The following EPB41L4B variants were observed in gnomAD, a reference collection of about 807,000 sequenced individuals.
EPB41L4B encodes the protein band 4.1-like protein 4B.
In EPB41L4B, 30 loss-of-function variants were observed where a neutral mutation model predicts 112.5. The observed-to-expected ratio is 0.27, with a 90% confidence interval of 0.20 to 0.36. The LOEUF is 0.36. Among genes scored for constraint, EPB41L4B ranks in the 10% least tolerant of loss-of-function variants. The pLI is 1.00. For missense variants in EPB41L4B, 1,024 were observed against 1,133.3 expected, an observed-to-expected ratio of 0.90 and a Z score of 1.38; for synonymous variants, 408 against 439.7, an observed-to-expected ratio of 0.93 and a Z score of 0.90.
chr9:109,297,210 G>GGGGGGGGGA (rs1836766168), intron 1 of EPB41L4B, among the ~76,000 whole-genome samples: 1 of 140,204 alleles, frequency 7.1e-6, no homozygotes, highest in African/African-American at 2.6e-5. Flanking sequence ...GGTGGGGGGG[G>GGGGGGGGGA]ATCTGCCAGC....
chr9:109,310,146 G>A (rs1489510145), intron 1 of EPB41L4B, among the ~76,000 whole-genome samples: 1 of 152,006 alleles, frequency 6.6e-6, no homozygotes, highest in African/African-American at 2.4e-5. Context: ...TCCAGTATAT[G>A]CATGCAATGG....
chr9:109,283,616 A>G (rs144669354), intron 1 of EPB41L4B, among the ~76,000 whole-genome samples: 22 of 152,356 alleles, frequency 1.4e-4, no homozygotes, highest in African/African-American at 4.6e-4. Flanking sequence ...TTTAATGACA[A>G]TGTTAGGTAA....
At chr9:109,190,242 G>C (rs998636063) in intron 22 of EPB41L4B, among the ~76,000 whole-genome samples, 6 of 152,172 alleles carry the variant, frequency 3.9e-5, no homozygotes, top group African/African-American at 1.4e-4. Flanking sequence ...GGAGGCAGGG[G>C]GCTAGAGATA....
rs111229008 is a variant in EPB41L4B, at chr9:109,273,819, G to C, written c.412-5386C>G. On this transcript the variant is annotated intron_variant, in intron 2 of 25. Transcript: ENST00000374566. Reference sequence around the variant, plus strand: ...GTCTGTTTCCAGCAGTTGTAACATAGATCCCCATAGATCCCACTCTTAGCA... The same window carrying C: ...GTCTGTTTCCAGCAGTTGTAACATACATCCCCATAGATCCCACTCTTAGCA... 6.5e-3 allele frequency among the ~76,000 whole-genome samples: 992 copies of C among 152,278 alleles called. 9 individuals are homozygous for C. Among genetic ancestry groups the C allele is most frequent in the African/African-American group, 0.023 (942 of 41,562 alleles).
At chr9:109,302,305 T>C (rs748748150) in intron 1 of EPB41L4B, among the ~76,000 whole-genome samples, 7 of 152,334 alleles carry the variant, frequency 4.6e-5, no homozygotes, top group Non-Finnish European at 1.0e-4. Flanking sequence ...GGCTGGTAGA[T>C]GGTCGTCTTC....
chr9:109,212,726 A>T (rs1201189386), intron 17 of EPB41L4B, among the ~76,000 whole-genome samples: 1 of 152,312 alleles, frequency 6.6e-6, no homozygotes, highest in East Asian at 1.9e-4. Context: ...TCCTTAGGGG[A>T]TTTAAAAAAT....
At chr9:109,307,936 T>A (rs890316888) in intron 1 of EPB41L4B, among the ~76,000 whole-genome samples, 1 of 152,100 alleles carries the variant, frequency 6.6e-6, no homozygotes, top group Non-Finnish European at 1.5e-5. Context: ...TACTGCTCAT[T>A]TGCCACGGTG....
intron 2 of EPB41L4B, among the ~76,000 whole-genome samples, 197 bp from the exon 3 acceptor site, chr9:109,268,630 G>C (rs1442413607): frequency 6.6e-6 from 1 of 152,126 alleles, no homozygotes; most frequent in Non-Finnish European, 1.5e-5. Flanking sequence ...CGGGCGCGGT[G>C]GCTCACGCCT....
intron 15 of EPB41L4B, among the ~76,000 whole-genome samples, chr9:109,236,305 C>A (rs1348350194): frequency 6.6e-6 from 1 of 152,084 alleles, no homozygotes; most frequent in East Asian, 1.9e-4. Context: ...CACTAGAATG[C>A]TCGCATTTTT....
intron 18 of EPB41L4B, among the ~76,000 whole-genome samples, chr9:109,207,458 G>C (rs1229516268): frequency 1.3e-5 from 2 of 152,126 alleles, no homozygotes; most frequent in African/African-American, 2.4e-5. Context: ...TGTAGTCCCA[G>C]CTACTCGGGA....
intron 17 of EPB41L4B, among the ~76,000 whole-genome samples, chr9:109,209,538 A>G (rs1262884963): frequency 6.6e-6 from 1 of 151,682 alleles, no homozygotes; most frequent in Non-Finnish European, 1.5e-5. Flanking sequence ...GCCCTCACCT[A>G]TAATTCCAGC....
At position 109,223,075 on chromosome 9, in the gene EPB41L4B, C is replaced by A. The variant is rs1040651598; in HGVS notation, c.1410-5930G>T. 2.4e-4 allele frequency among the ~76,000 whole-genome samples: 37 copies of A among 152,142 alleles called. 1 individual carries two copies. The highest frequency in any genetic ancestry group is 6.5e-5 in the Admixed American group (1 of 15,272). On this transcript the variant is annotated intron_variant, in intron 15 of 25. Coordinates refer to ENST00000374566, the MANE Select transcript of EPB41L4B (RefSeq NM_019114.5). ...AGCCCTGCCTAATCCCACATGTACCCCCAACCAGAGCATCTCCTCTCCCTG... is the reference window on the plus strand; with the variant it reads ...AGCCCTGCCTAATCCCACATGTACCACCAACCAGAGCATCTCCTCTCCCTG...
At chr9:109,181,610 G>A (rs1427504296) in intron 24 of EPB41L4B, among the ~76,000 whole-genome samples, 1 of 152,106 alleles carries the variant, frequency 6.6e-6, no homozygotes, top group Non-Finnish European at 1.5e-5. Flanking sequence ...GCCAAGGTAT[G>A]AGGATCACTT....
intron 2 of EPB41L4B, among the ~76,000 whole-genome samples, chr9:109,272,766 T>C (rs1023093884): frequency 2.6e-5 from 4 of 152,072 alleles, no homozygotes; most frequent in African/African-American, 9.7e-5. Flanking sequence ...TACATATATA[T>C]AGTTTGTGTT....
intron 1 of EPB41L4B, among the ~76,000 whole-genome samples, chr9:109,309,953 T>G (rs1588237700): frequency 6.6e-6 from 1 of 152,170 alleles, no homozygotes; most frequent in African/African-American, 2.4e-5. Flanking sequence ...CTGTGGGGAC[T>G]CTGGAAAACA....
At chr9:109,244,736 A>C (rs1032691788) in intron 14 of EPB41L4B, among the ~76,000 whole-genome samples, 1 of 152,188 alleles carries the variant, frequency 6.6e-6, no homozygotes, top group Non-Finnish European at 1.5e-5. Flanking sequence ...CAGTGGTCCT[A>C]GACATCAGCA....
rs915687178 is a variant in EPB41L4B, at chr9:109,321,043, G to C, written c.-597C>G. 15 of 187,858 alleles carry C rather than the reference G, an allele frequency of 8.0e-5. No individual in the cohort carries two copies. Among genetic ancestry groups the C allele is most frequent in the Non-Finnish European group, 7.5e-5 (7 of 92,968 alleles). 11.6% of individuals were successfully genotyped at this position (187,858 alleles called of 1,614,324 possible). A position where few individuals can be genotyped will look rare whatever the true frequency, so the allele number is the denominator to read the frequency against. On this transcript the variant is annotated 5_prime_UTR_variant, in exon 1 of 26. Transcript: ENST00000374566. ...GCCGCCGCCGCCGCCGCTGCCGCCG[G>C]GACTGCAGCACGCCCTCCTCCCTCG...
intron 6 of EPB41L4B, among the ~76,000 whole-genome samples, chr9:109,262,178 C>G (rs1315012227): frequency 3.3e-5 from 5 of 152,108 alleles, no homozygotes; most frequent in African/African-American, 1.2e-4. Context: ...GCAAAAATAC[C>G]CTTTGCACCC....
chr9:109,301,199 T>C (rs1413671132), intron 1 of EPB41L4B: 1 of 152,208 alleles, frequency 6.6e-6, no homozygotes, highest in Non-Finnish European at 1.5e-5. Flanking sequence ...GGCTGACTTC[T>C]CAGAAGGAGG....
Sources: gnomAD v4.1 joint callset for allele counts (sites outside exome capture counted in the v4.1 genomes callset) on GRCh38, gnomAD v4.1.1 for gene constraint, MANE v1.5 for transcripts, NCBI Gene and HGNC (gene_info 2026-07-23, HGNC 2026-07-21) for gene names.